The following CEP112 variants were observed in gnomAD, a reference collection of about 807,000 sequenced individuals.
CEP112 encodes centrosomal protein of 112 kDa.
A neutral mutation model predicts 153.0 loss-of-function variants in CEP112; 127 were observed. The observed-to-expected ratio is 0.83, with a 90% CI of 0.72 to 0.96. CEP112 has a LOEUF of 0.96. Ranked by LOEUF, CEP112 falls within the 40% of genes least tolerant of loss-of-function variation. The pLI, the probability that CEP112 is intolerant of heterozygous loss-of-function variation, is 0.00. For synonymous variants in CEP112, 358 were observed against 374.4 expected (o/e 0.96, Z 0.51); for missense variants, 1,089 against 1,101.2 (o/e 0.99, Z 0.16).
rs182301301 is a variant in CEP112, at chr17:65,715,522, C to G, written c.2608-26304G>C. Among the ~76,000 whole-genome samples the G allele has an allele frequency of 1.1e-3, 171 of 150,864 alleles. 1 individual carries two copies. Among genetic ancestry groups the G allele is most frequent in the Admixed American group, 3.6e-3 (55 of 15,196 alleles). On this transcript the variant is annotated intron_variant, in intron 23 of 26. Coordinates refer to ENST00000535342, the MANE Select transcript of CEP112 (RefSeq NM_001199165.4). ...CTGGAGTGCAGTGGTGTGATCTCGG[C>G]TCACTGCAAGCTCCACCTCCTGGGT...
rs369657913 is a variant in CEP112 at position 66,063,028 on chromosome 17, T to C, written c.1009A>G (p.Ile337Val). 3.3e-5 allele frequency: 53 copies of C among 1,600,968 alleles called. 1 individual carries two copies. The Middle Eastern group carries it at 9.9e-4, about 30-fold the overall frequency. ...QVIRETKEDQ[I>V]AELKKICEQS... ...TCACATATCTTTTTCAGCTCTGCAA[T>C]CTGGTCTTCTTTAGTCTCTCTGATA... The change falls in exon 11 of 27, where the codon ATT becomes GTT. Residue 337 changes from isoleucine to valine, a missense_variant. Transcript: ENST00000535342.
chr17:65,969,702 G>A (rs529544397), intron 17 of CEP112, among the ~76,000 whole-genome samples: 7 of 152,080 alleles, frequency 4.6e-5, no homozygotes, highest in South Asian at 2.1e-4. Context: ...CATATTACAC[G>A]CATACAGGAA....
At chr17:66,093,596 A>C (rs1474318980) in intron 8 of CEP112, among the ~76,000 whole-genome samples, 1 of 151,854 alleles carries the variant, frequency 6.6e-6, no homozygotes, top group Non-Finnish European at 1.5e-5. Flanking sequence ...AAAAAAAAAA[A>C]CCACTTAGAA....
At chr17:66,052,837 T>C (rs1032277946) in intron 12 of CEP112, among the ~76,000 whole-genome samples, 4 of 152,206 alleles carry the variant, frequency 2.6e-5, no homozygotes, top group Non-Finnish European at 5.9e-5. Context: ...CCAGGCGTGG[T>C]TGATCATGAC....
chr17:65,893,261 C>T (rs1480184739), intron 20 of CEP112, among the ~76,000 whole-genome samples: 1 of 152,112 alleles, frequency 6.6e-6, no homozygotes, highest in Non-Finnish European at 1.5e-5. Context: ...CAGCACACTT[C>T]AATCTCTGAG....
At chr17:66,159,174 C>A (rs2071583162) in intron 4 of CEP112, among the ~76,000 whole-genome samples, 1 of 152,102 alleles carries the variant, frequency 6.6e-6, no homozygotes, top group African/African-American at 2.4e-5. Context: ...CCTGAATAGA[C>A]CAATAACAAG....
At chr17:66,023,617 C>T (rs2065085332) in intron 16 of CEP112, among the ~76,000 whole-genome samples, 1 of 151,978 alleles carries the variant, frequency 6.6e-6, no homozygotes, top group Non-Finnish European at 1.5e-5. Context: ...CATAAAAACA[C>T]ATTTAAGTAT....
chr17:65,644,267 T>G, intron 24 of CEP112: 1 of 590,384 alleles, frequency 1.7e-6, no homozygotes, highest in Non-Finnish European at 3.0e-6. Flanking sequence ...CTGTTTAGAA[T>G]GTCTATCTGT....
chr17:65,968,741 C>G (rs1296975052), intron 17 of CEP112, among the ~76,000 whole-genome samples: 1 of 152,134 alleles, frequency 6.6e-6, no homozygotes, highest in Non-Finnish European at 1.5e-5. Context: ...AAGTGATTTG[C>G]TCAAGTTCAC....
At chr17:66,134,607 G>T (rs531202537) in intron 4 of CEP112, among the ~76,000 whole-genome samples, 8 of 152,306 alleles carry the variant, frequency 5.3e-5, no homozygotes, top group East Asian at 1.9e-4. Context: ...GGAGGCCAAG[G>T]TCAGCCTATT....
chr17:66,144,901 C>T (rs556819473), intron 4 of CEP112, among the ~76,000 whole-genome samples: 14 of 152,034 alleles, frequency 9.2e-5, no homozygotes, highest in Non-Finnish European at 1.8e-4. Context: ...AATAGAATTG[C>T]TGGGTCATAT....
At chr17:65,933,077 C>T (rs2061181583) in intron 18 of CEP112, among the ~76,000 whole-genome samples, 1 of 152,006 alleles carries the variant, frequency 6.6e-6, no homozygotes, top group Non-Finnish European at 1.5e-5. Flanking sequence ...ACATCAGACT[C>T]AAACAAATAG....
rs72844807 is a variant in CEP112, at chr17:65,686,361, G to A, written c.2697+2768C>T. Among the ~76,000 whole-genome samples, 195 of 152,240 alleles carry A rather than the reference G, an allele frequency of 1.3e-3. 1 individual carries two copies. The highest frequency in any genetic ancestry group is 2.1e-3 in the South Asian group (10 of 4,820). ...AGAAGTCAATAAAAAAAGACTGAAA[G>A]TAGTTCCTGAATCCTTCTCTATTGT... On this transcript the variant is annotated intron_variant, in intron 24 of 26. Coordinates refer to ENST00000535342, the MANE Select transcript of CEP112 (RefSeq NM_001199165.4).
intron 16 of CEP112, among the ~76,000 whole-genome samples, chr17:66,011,614 T>C (rs1432389526): frequency 6.6e-6 from 1 of 152,182 alleles, no homozygotes; most frequent in African/African-American, 2.4e-5. Context: ...TTTTATTTGC[T>C]GAGGATTGTT....
chr17:65,822,605 G>A (rs2056646472), intron 21 of CEP112, among the ~76,000 whole-genome samples: 1 of 152,084 alleles, frequency 6.6e-6, no homozygotes, highest in South Asian at 2.1e-4. Context: ...TACAGACACA[G>A]AAGACAGATT....
intron 17 of CEP112, among the ~76,000 whole-genome samples, chr17:65,963,676 T>G (rs1169057430): frequency 5.5e-4 from 43 of 77,592 alleles, no homozygotes; most frequent in South Asian, 3.9e-3. Flanking sequence ...TAGATAGGGG[T>G]GTGTGTGTGT....
chr17:65,639,701 AAT>A (rs1646189278), intron 25 of CEP112, among the ~76,000 whole-genome samples: 2 of 151,658 alleles, frequency 1.3e-5, no homozygotes, highest in Admixed American at 1.3e-4. Context: ...AAAAAAAAAA[AAT>A]CAAAGTGTAT....
intron 18 of CEP112, among the ~76,000 whole-genome samples, chr17:65,930,439 G>T (rs1327123524): frequency 6.6e-6 from 1 of 152,138 alleles, no homozygotes; most frequent in Non-Finnish European, 1.5e-5. Flanking sequence ...TCCAGTTTCT[G>T]GTTCTTACAT....
At chr17:65,820,307 G>C (rs1472602214) in intron 21 of CEP112, among the ~76,000 whole-genome samples, 1 of 151,894 alleles carries the variant, frequency 6.6e-6, no homozygotes, top group Non-Finnish European at 1.5e-5. Flanking sequence ...ACAGACCTCA[G>C]ATCTCCCAGC....
Sources: gnomAD v4.1 joint callset for allele counts (sites outside exome capture counted in the v4.1 genomes callset) on GRCh38, gnomAD v4.1.1 for gene constraint, MANE v1.5 for transcripts, NCBI Gene and HGNC (gene_info 2026-07-23, HGNC 2026-07-21) for gene names.